The following ACYP2 variants were observed in gnomAD, a reference collection of about 807,000 sequenced individuals.
The protein encoded by ACYP2 is acylphosphatase-2.
Under a neutral mutation model 11.2 loss-of-function variants are expected in ACYP2, and 12 were observed. The ratio of observed to expected loss-of-function variants is 1.08; its 90% confidence interval spans 0.69 to 1.74. The LOEUF (loss-of-function observed/expected upper bound fraction) is 1.74, where lower values mean the gene tolerates loss of function less well. Ranked by LOEUF, ACYP2 falls within the 40% of genes most tolerant of loss-of-function variation. The pLI is 0.00. For missense variants in ACYP2, 134 were observed against 101.9 expected (o/e 1.31, Z -1.35); for synonymous variants, 43 against 32.2 (o/e 1.33, Z -1.13).
intron 4 of ACYP2, among the ~76,000 whole-genome samples, chr2:54,104,280 A>T (rs1485496164): frequency 1.3e-5 from 2 of 152,194 alleles, no homozygotes; most frequent in Non-Finnish European, 2.9e-5. Flanking sequence ...ATGAGAAAAG[A>T]AAGTATTCTT....
At chr2:53,976,926 G>A (rs1200618614) in intron 2 of ACYP2, among the ~76,000 whole-genome samples, 1 of 152,082 alleles carries the variant, frequency 6.6e-6, no homozygotes, top group Admixed American at 6.6e-5. Context: ...TGTATTTCTT[G>A]AATCAAAAGA....
At position 54,147,200 on chromosome 2, in the gene ACYP2, G is replaced by C. The variant is rs369614362; in HGVS notation, c.404+8452G>C. On this transcript the variant is annotated intron_variant, in intron 6 of 6. Transcript: ENST00000607452. ...TGTTTTGCTTATCTTTTATATTGCC[G>C]GCTTTCCTTACAATCATATTTTCAG... 2.0e-5 allele frequency among the ~76,000 whole-genome samples: 3 copies of C among 151,232 alleles called. No individual in the cohort carries two copies. In the East Asian group the frequency reaches 5.8e-4, roughly 29 times the overall value.
intron 2 of ACYP2, among the ~76,000 whole-genome samples, chr2:53,981,170 A>T (rs971082559): frequency 6.6e-6 from 1 of 152,232 alleles, no homozygotes; most frequent in African/African-American, 2.4e-5. Context: ...GACATGCTGT[A>T]CAGATTTGTT....
intron 4 of ACYP2, among the ~76,000 whole-genome samples, chr2:54,069,631 C>T (rs111748793): frequency 1.6e-4 from 25 of 152,162 alleles, no homozygotes; most frequent in African/African-American, 5.5e-4. Context: ...CACTGCACTC[C>T]AGCCTGGGTG....
At chr2:54,283,892 A>T (rs1441457160) in intron 6 of ACYP2, among the ~76,000 whole-genome samples, 1 of 152,234 alleles carries the variant, frequency 6.6e-6, no homozygotes, top group African/African-American at 2.4e-5. Context: ...AGGCGAGTGG[A>T]TCACCTGAAG....
intron 6 of ACYP2, among the ~76,000 whole-genome samples, chr2:54,201,294 A>G (rs1446461321): frequency 6.6e-6 from 1 of 152,044 alleles, no homozygotes; most frequent in Non-Finnish European, 1.5e-5. Context: ...TTTAGTAGAG[A>G]TGGGGTTTCA....
chr2:54,088,515 C>T (rs534099446), intron 4 of ACYP2, among the ~76,000 whole-genome samples: 6 of 152,302 alleles, frequency 3.9e-5, no homozygotes, highest in East Asian at 1.9e-4. Context: ...ATCTCCTCAG[C>T]GGGGTCAGAG....
At chr2:54,261,896 A>C (rs999792743) in intron 6 of ACYP2, among the ~76,000 whole-genome samples, 15 of 152,242 alleles carry the variant, frequency 9.9e-5, no homozygotes, top group African/African-American at 3.6e-4. Context: ...GTCAAAAAGA[A>C]GTTTTAAGTG....
rs529731203 is a variant in ACYP2 at position 54,155,835 on chromosome 2, G to T, written c.404+17087G>T. Among the ~76,000 whole-genome samples, 309 of 152,218 alleles carry T rather than the reference G, an allele frequency of 2.0e-3. 2 individuals carry two copies. Among genetic ancestry groups the T allele is most frequent in the African/African-American group, 7.1e-3 (296 of 41,550 alleles). ...TCTTCTTTGACTCATTGGTTGTTTA[G>T]TAACATGTTAATTTCCACATATTTG... On this transcript the variant is annotated intron_variant, in intron 6 of 6. Transcript: ENST00000607452.
chr2:54,110,660 C>T (rs1679410464), intron 4 of ACYP2, among the ~76,000 whole-genome samples: 1 of 151,946 alleles, frequency 6.6e-6, no homozygotes, highest in Non-Finnish European at 1.5e-5. Context: ...ATTTTTAGTC[C>T]AACACCCACC....
chr2:54,084,271 G>C (rs530763079), intron 4 of ACYP2, among the ~76,000 whole-genome samples: 28 of 152,060 alleles, frequency 1.8e-4, no homozygotes, highest in Non-Finnish European at 3.5e-4. Context: ...GCAAATCTTA[G>C]TATTCAGTTT....
At chr2:54,045,280 A>G (rs143794821) in intron 2 of ACYP2, among the ~76,000 whole-genome samples, 39 of 152,134 alleles carry the variant, frequency 2.6e-4, no homozygotes, top group African/African-American at 8.9e-4. Context: ...CCAGCCTACA[A>G]TTCCTTGGGG....
At chr2:54,001,548 C>T (rs1277828460) in intron 2 of ACYP2, among the ~76,000 whole-genome samples, 1 of 152,078 alleles carries the variant, frequency 6.6e-6, no homozygotes, top group Non-Finnish European at 1.5e-5. Context: ...TGCATGCCAC[C>T]AAGCCCAGCT....
At chr2:54,303,095 C>T (rs1054705648) in intron 6 of ACYP2, among the ~76,000 whole-genome samples, 1 of 152,180 alleles carries the variant, frequency 6.6e-6, no homozygotes, top group African/African-American at 2.4e-5. Context: ...GTGGCTCACA[C>T]CTGTCATCCA....
At position 54,060,416 on chromosome 2, in the gene ACYP2, T is replaced by G. The variant is rs968879995; in HGVS notation, c.277+3056T>G. On this transcript the variant is annotated intron_variant, in intron 4 of 6. Coordinates refer to ENST00000607452, the MANE Select transcript of ACYP2 (RefSeq NM_001320586.2). ...TCCTTTTTAAAAAATAATCATCTTC[T>G]TTTATGGATATAATGTTTTTTGATC... Among the ~76,000 whole-genome samples the G allele has an allele frequency of 3.9e-5, 6 of 152,300 alleles. No individual in the cohort carries two copies. In the East Asian group the frequency reaches 1.2e-3, roughly 29 times the overall value.
At chr2:53,997,467 G>C (rs151206456) in intron 2 of ACYP2, among the ~76,000 whole-genome samples, 3 of 151,942 alleles carry the variant, frequency 2.0e-5, no homozygotes, top group African/African-American at 7.3e-5. Context: ...CACCAAGCCC[G>C]GCTAATTTTT....
chr2:54,150,717 T>G (rs1258101257), intron 6 of ACYP2, among the ~76,000 whole-genome samples: 1 of 143,994 alleles, frequency 6.9e-6, no homozygotes, highest in Non-Finnish European at 1.5e-5. Flanking sequence ...CCACGGCGCT[T>G]GGCTAGATTC....
At chr2:54,198,039 A>ATTGTATTGT (rs1572920883) in intron 6 of ACYP2, among the ~76,000 whole-genome samples, 1 of 148,176 alleles carries the variant, frequency 6.7e-6, no homozygotes, top group East Asian at 2.0e-4. Context: ...ATTGTATTTT[A>ATTGTATTGT]AGACAGTTTC....
At chr2:54,233,087 T>A (rs72802650) in intron 6 of ACYP2, among the ~76,000 whole-genome samples, 37,908 of 151,942 alleles carry the variant, frequency 0.25, 4,806 homozygotes, top group East Asian at 0.38. Context: ...TCATCAAATG[T>A]TTTTTCTAAA....
Sources: gnomAD v4.1 joint callset for allele counts (sites outside exome capture counted in the v4.1 genomes callset) on GRCh38, gnomAD v4.1.1 for gene constraint, MANE v1.5 for transcripts, NCBI Gene and HGNC (gene_info 2026-07-23, HGNC 2026-07-21) for gene names.